Variants in DCC observed in about 807,000 individuals in gnomAD.
DCC encodes netrin receptor DCC.
A neutral mutation model predicts 172.5 loss-of-function variants in DCC; 58 were observed. The ratio of observed to expected loss-of-function variants is 0.34; its 90% confidence interval spans 0.27 to 0.42. The LOEUF (loss-of-function observed/expected upper bound fraction) is 0.42, where lower values mean the gene tolerates loss of function less well. Among genes scored for constraint, DCC ranks in the 10% least tolerant of loss-of-function variants. The probability of loss-of-function intolerance (pLI) is 1.00; values close to 1 mark genes in which losing one functional copy is unlikely to be tolerated. For synonymous variants in DCC, 709 were observed against 644.5 expected (o/e 1.10, Z -1.52); for missense variants, 1,740 against 1,791.0 (o/e 0.97, Z 0.51).
intron 15 of DCC, among the ~76,000 whole-genome samples, chr18:53,382,600 C>T (rs1907843955): frequency 6.6e-6 from 1 of 152,044 alleles, no homozygotes; most frequent in African/African-American, 2.4e-5. Flanking sequence ...TCATTGTTTT[C>T]TCTGCCCAGA....
chr18:52,549,988 CA>C (rs1030917412), intron 1 of DCC, among the ~76,000 whole-genome samples: 4 of 151,480 alleles, frequency 2.6e-5, no homozygotes, highest in African/African-American at 4.8e-5. Context: ...ATGGAAAGAC[CA>C]AAAAAAGTAA....
At chr18:52,414,352 G>A (rs140006469) in intron 1 of DCC, among the ~76,000 whole-genome samples, 97 of 152,262 alleles carry the variant, frequency 6.4e-4, no homozygotes, top group African/African-American at 2.3e-3. Context: ...CCAAAGTGCT[G>A]GGATTACAGG....
intron 1 of DCC, among the ~76,000 whole-genome samples, chr18:52,745,380 T>A (rs984374263): frequency 3.9e-5 from 6 of 152,220 alleles, no homozygotes; most frequent in Non-Finnish European, 8.8e-5. Flanking sequence ...AGAGTTTTAG[T>A]TAACGTGAGA....
chr18:52,806,716 C>T (rs576033355), intron 2 of DCC, among the ~76,000 whole-genome samples: 96 of 152,250 alleles, frequency 6.3e-4, no homozygotes, highest in African/African-American at 2.2e-3. Context: ...ATGGCTTCTT[C>T]CGGTTGTCAT....
At chr18:53,291,182 A>G (rs530357435) in intron 12 of DCC, among the ~76,000 whole-genome samples, 1 of 152,254 alleles carries the variant, frequency 6.6e-6, no homozygotes, top group South Asian at 2.1e-4. Context: ...AAAAAAAGAA[A>G]AAAGATATTG....
chr18:52,847,369 C>T (rs970559382), intron 2 of DCC, among the ~76,000 whole-genome samples: 1 of 152,178 alleles, frequency 6.6e-6, no homozygotes, highest in African/African-American at 2.4e-5. Context: ...CCATTGGTTG[C>T]TGGATTTTCA....
chr18:53,262,623 G>T (rs1267710031), intron 12 of DCC, among the ~76,000 whole-genome samples: 3 of 152,134 alleles, frequency 2.0e-5, no homozygotes, highest in Admixed American at 6.6e-5. Context: ...TTCTCCTTCT[G>T]TTTATATAAT....
At chr18:52,798,656 C>T (rs534867704) in intron 2 of DCC, among the ~76,000 whole-genome samples, 2 of 152,178 alleles carry the variant, frequency 1.3e-5, no homozygotes, top group African/African-American at 4.8e-5. Flanking sequence ...AGGAAAAAAA[C>T]CTGAAAAGGG....
Position 53,293,087 on chromosome 18 carries a change from C to T in DCC, c.1912-12491C>T, listed in dbSNP as rs2057024343. On this transcript the variant is annotated intron_variant, in intron 12 of 28. Transcript: ENST00000442544. ...AAGCCCTTTCTCATCGATCACCTCTCAATAACTAGGGAGAGATAATGTTGT... is the reference window on the plus strand; with the variant it reads ...AAGCCCTTTCTCATCGATCACCTCTTAATAACTAGGGAGAGATAATGTTGT... 2.6e-5 allele frequency among the ~76,000 whole-genome samples: 4 copies of T among 152,168 alleles called. 1 individual carries two copies. In the South Asian group the frequency reaches 8.3e-4, roughly 32 times the overall value.
intron 26 of DCC, among the ~76,000 whole-genome samples, chr18:53,498,698 T>C (rs2046057936): frequency 6.6e-6 from 1 of 152,138 alleles, no homozygotes; most frequent in Non-Finnish European, 1.5e-5. Context: ...AGAGGAAAAA[T>C]TGCAATTCCG....
chr18:53,123,985 A>C (rs2043519740), intron 7 of DCC, among the ~76,000 whole-genome samples: 1 of 152,144 alleles, frequency 6.6e-6, no homozygotes, highest in Non-Finnish European at 1.5e-5. Flanking sequence ...GCTGAATCAC[A>C]CTTTGAGCAG....
intron 15 of DCC, among the ~76,000 whole-genome samples, chr18:53,342,842 CTAAA>C (rs1308330113): frequency 6.8e-6 from 1 of 146,002 alleles, no homozygotes; most frequent in Non-Finnish European, 1.5e-5. Context: ...TTGAATATTC[CTAAA>C]TATATATACA....
intron 1 of DCC, among the ~76,000 whole-genome samples, chr18:52,743,566 G>A (rs577211730): frequency 1.3e-5 from 2 of 152,292 alleles, no homozygotes; most frequent in East Asian, 1.9e-4. Flanking sequence ...TTACTCTCCC[G>A]CTCCAACTTA....
At chr18:53,164,146 A>G (rs1330960742) in intron 8 of DCC, among the ~76,000 whole-genome samples, 2 of 152,200 alleles carry the variant, frequency 1.3e-5, no homozygotes, top group Admixed American at 6.5e-5. Flanking sequence ...ATGACATGCA[A>G]TTCTTTTATA....
chr18:52,513,104 G>T (rs897856579), intron 1 of DCC, among the ~76,000 whole-genome samples: 2 of 152,278 alleles, frequency 1.3e-5, no homozygotes, highest in African/African-American at 4.8e-5. Flanking sequence ...CAAGATGGGG[G>T]CAGGAAAACC....
At chr18:52,806,826 TCTTG>T (rs2038095048) in intron 2 of DCC, among the ~76,000 whole-genome samples, 1 of 152,162 alleles carries the variant, frequency 6.6e-6, no homozygotes, top group Admixed American at 6.5e-5. Context: ...TGAGCCACCA[TCTTG>T]GATCCTACCA....
At chr18:53,004,882 A>G (rs1024243501) in intron 5 of DCC, among the ~76,000 whole-genome samples, 1 of 152,188 alleles carries the variant, frequency 6.6e-6, no homozygotes, top group Non-Finnish European at 1.5e-5. Context: ...CAAAGTTCAT[A>G]TGTTGGAAAC....
chr18:53,322,537 C>T (rs967380781), intron 14 of DCC, among the ~76,000 whole-genome samples: 1 of 151,924 alleles, frequency 6.6e-6, no homozygotes, highest in Admixed American at 6.6e-5. Context: ...AATATAGCTT[C>T]TCTTGCTTTT....
At chr18:52,795,539 T>C (rs951345075) in intron 2 of DCC, among the ~76,000 whole-genome samples, 11 of 152,012 alleles carry the variant, frequency 7.2e-5, no homozygotes, top group Admixed American at 6.6e-4. Flanking sequence ...AAATTTTACC[T>C]TCTCAGAAAA....
Sources: allele counts gnomAD v4.1 joint callset (sites outside exome capture counted in the v4.1 genomes callset), GRCh38; gene constraint gnomAD v4.1.1; transcripts MANE v1.5; gene names NCBI Gene and HGNC (gene_info 2026-07-23, HGNC 2026-07-21).